FBRSL1: variants seen among roughly 807,000 people sequenced by gnomAD.
The protein encoded by FBRSL1 is fibrosin like 1.
A neutral mutation model predicts 89.6 loss-of-function variants in FBRSL1; 51 were observed. The ratio of observed to expected loss-of-function variants is 0.57; its 90% CI spans 0.45 to 0.72. The LOEUF (loss-of-function observed/expected upper bound fraction) is 0.72. FBRSL1 is among the 30% of genes least tolerant of loss of function. The probability of loss-of-function intolerance (pLI) is 0.00; values close to 1 mark genes in which losing one functional copy is unlikely to be tolerated. For synonymous variants in FBRSL1, 779 were observed against 681.1 expected (o/e 1.14, Z -2.24); for missense variants, 1,618 against 1,451.8 (o/e 1.11, Z -1.86).
chr12:132,566,220 G>A (rs968928431), intron 5 of FBRSL1: 1 of 152,086 alleles, frequency 6.6e-6, no homozygotes, highest in Non-Finnish European at 1.5e-5. Context: ...TCACATGGTG[G>A]AAGGGGCTAG....
rs139059276 is a variant in FBRSL1 at position 132,579,348 on chromosome 12, G to A, written c.1835-2091G>A. Among the ~76,000 whole-genome samples the A allele has an allele frequency of 2.0e-5, 3 of 152,216 alleles. No individual in the cohort carries two copies. The East Asian group carries it at 5.8e-4, about 29-fold the overall frequency. On this transcript the variant is annotated intron_variant, in intron 15 of 18. Transcript: ENST00000680143. ...GTATCATTTTCCTATCCCTGATCAT[G>A]GTGTATCTCATTTATTTAGGTATTA... is the stretch of plus-strand genomic sequence containing the variant.
At chr12:132,529,427 C>G (rs1009068242) in intron 4 of FBRSL1, among the ~76,000 whole-genome samples, 1 of 152,158 alleles carries the variant, frequency 6.6e-6, no homozygotes, top group Non-Finnish European at 1.5e-5. Flanking sequence ...GGCCACTTGG[C>G]TGGGTCACAG....
chr12:132,524,237 C>G (rs2035599243), intron 2 of FBRSL1, among the ~76,000 whole-genome samples: 1 of 152,252 alleles, frequency 6.6e-6, no homozygotes, highest in Non-Finnish European at 1.5e-5. Flanking sequence ...GAGCAGGTCA[C>G]TAGCCCACCA....
intron 1 of FBRSL1, chr12:132,507,317 G>A (rs181639877): frequency 1.0e-5 from 10 of 985,530 alleles, no homozygotes; most frequent in Non-Finnish European, 1.2e-5. Context: ...TGGCTCCTCT[G>A]GACCCTAAAC....
In FBRSL1 at chr12:132,583,255, GCGGCCTGCACCCCGCGCCCCTGCAGCT is replaced by G; in HGVS notation, c.2494_2520del (p.His832_Leu840del). ...GACGAGGCCTCCGAGCCCCCGGCGG[GCGGCCTGCACCCCGCGCCCCTGCAGCT>G]CGGCCTGGGCCGCGAGCGCCTGGGC... On this transcript the variant is annotated inframe_deletion, in exon 19 of 19. Transcript: ENST00000680143. 7.4e-7 allele frequency: 1 copy of G among 1,347,196 alleles called. No individual in the cohort carries two copies. The highest frequency in any genetic ancestry group is 9.5e-7 in the Non-Finnish European group (1 of 1,049,596). The allele number at this position is 1,347,196 out of a possible 1,614,324, so 83.5% of individuals were successfully genotyped here. A position where few individuals can be genotyped will look rare whatever the true frequency, so the allele number is the denominator to read the frequency against.
rs187846959 is a variant in FBRSL1 at position 132,532,363 on chromosome 12, C to T, written c.615+4375C>T. 1.1e-3 allele frequency among the ~76,000 whole-genome samples: 173 copies of T among 152,338 alleles called. No homozygotes were observed. In the Middle Eastern group the frequency reaches 0.031, roughly 27 times the overall value. ...AGACCCTCAGACCTCCCTCACCACT[C>T]GGCCATGCCCACCCAGAATTCTCCT... On this transcript the variant is annotated intron_variant, in intron 4 of 18. Coordinates refer to ENST00000680143, the MANE Select transcript of FBRSL1 (RefSeq NM_001367871.1).
chr12:132,503,896 C>T (rs950893605), intron 1 of FBRSL1, among the ~76,000 whole-genome samples: 1 of 152,168 alleles, frequency 6.6e-6, no homozygotes, highest in African/African-American at 2.4e-5. Flanking sequence ...CTGCAGCCTC[C>T]CTCAGCCTCC....
intron 2 of FBRSL1, chr12:132,510,986 G>A: frequency 4.0e-6 from 4 of 987,708 alleles, no homozygotes; most frequent in Non-Finnish European, 4.8e-6. Context: ...AGAGTGAGTG[G>A]CGTGCTGGGC....
Position 132,544,721 on chromosome 12 carries a change from C to T in FBRSL1, c.616-3282C>T, listed in dbSNP as rs1354797876. 2.6e-5 allele frequency among the ~76,000 whole-genome samples: 4 copies of T among 151,156 alleles called. No individual in the cohort carries two copies. The East Asian group carries it at 7.7e-4, about 29-fold the overall frequency. ...GGTGGTGGTGGTGTGAGGATGGTGA[C>T]GATGGTGATGGTGATGGTTGTGACA... On this transcript the variant is annotated intron_variant, in intron 4 of 18. Transcript: ENST00000680143.
At chr12:132,572,656 G>A (rs1331090066) in intron 11 of FBRSL1, 34 bp downstream of exon 11, 1 of 1,461,540 alleles carries the variant, frequency 6.8e-7, no homozygotes, top group Admixed American at 2.0e-5. Flanking sequence ...GGCGGGCACA[G>A]CGGGTGGGTG....
intron 2 of FBRSL1, chr12:132,510,604 C>T (rs993069251): frequency 2.0e-5 from 24 of 1,230,648 alleles, no homozygotes; most frequent in East Asian, 1.3e-4. Context: ...AGCTGTTTGT[C>T]GTTGGAAATT....
At chr12:132,567,074 T>C (rs1310878523) in intron 5 of FBRSL1, among the ~76,000 whole-genome samples, 1 of 152,146 alleles carries the variant, frequency 6.6e-6, no homozygotes, top group Non-Finnish European at 1.5e-5. Flanking sequence ...CTCTCCATCA[T>C]CCGCCTCTGG....
intron 4 of FBRSL1, among the ~76,000 whole-genome samples, chr12:132,531,155 C>T (rs534891717): frequency 6.9e-4 from 105 of 152,180 alleles, no homozygotes; most frequent in African/African-American, 2.4e-3. Flanking sequence ...GACCAAGAAC[C>T]GGTCCCATGG....
intron 2 of FBRSL1, chr12:132,511,536 C>G (rs2034341517): frequency 1.0e-6 from 1 of 985,978 alleles, no homozygotes; most frequent in African/African-American, 1.7e-5. Flanking sequence ...GGGGCTTTGA[C>G]TGTCTCCAGA....
chr12:132,523,414 G>A (rs146084783), intron 2 of FBRSL1, among the ~76,000 whole-genome samples: 2,292 of 152,272 alleles, frequency 0.015, 69 homozygotes, highest in African/African-American at 0.051. Flanking sequence ...CCGGGTTTGG[G>A]AGGAGCACAC....
chr12:132,548,291 C>A (rs1317322400), intron 5 of FBRSL1, among the ~76,000 whole-genome samples: 2 of 152,184 alleles, frequency 1.3e-5, no homozygotes, highest in Admixed American at 1.3e-4. Flanking sequence ...AGTGCTGCCC[C>A]AGCCAGGAGG....
chr12:132,515,647 C>G (rs2034769503), intron 2 of FBRSL1, among the ~76,000 whole-genome samples: 1 of 152,012 alleles, frequency 6.6e-6, no homozygotes. Context: ...CGCCTGTAAT[C>G]CCAGCACTTT....
intron 4 of FBRSL1, among the ~76,000 whole-genome samples, chr12:132,542,113 G>A (rs1478237216): frequency 1.3e-5 from 2 of 152,258 alleles, no homozygotes; most frequent in African/African-American, 2.4e-5. Flanking sequence ...AGGACACTGA[G>A]GGCAGAAGCC....
intron 2 of FBRSL1, among the ~76,000 whole-genome samples, chr12:132,512,346 A>T (rs1378951019): frequency 2.0e-5 from 3 of 152,246 alleles, no homozygotes; most frequent in South Asian, 4.1e-4. Flanking sequence ...GGTTCAGCCC[A>T]GCATCCTCTG....
Sources: allele counts gnomAD v4.1 joint callset (sites outside exome capture counted in the v4.1 genomes callset), GRCh38; gene constraint gnomAD v4.1.1; transcripts MANE v1.5; gene names NCBI Gene and HGNC (gene_info 2026-07-23, HGNC 2026-07-21).